Variants in KIAA0319L observed in about 807,000 individuals in gnomAD.
KIAA0319L encodes KIAA0319 like, also known as dyslexia-associated protein KIAA0319-like protein.
KIAA0319L carries 55 observed loss-of-function variants against 120.1 expected under a neutral mutation model. That is an observed-to-expected ratio of 0.46 (90% CI 0.37 to 0.57). The LOEUF (loss-of-function observed/expected upper bound fraction) is 0.57. Among genes scored for constraint, KIAA0319L ranks in the 20% least tolerant of loss-of-function variants. The pLI, the probability that KIAA0319L is intolerant of heterozygous loss-of-function variation, is 0.00. For synonymous variants in KIAA0319L, 398 were observed against 471.9 expected (o/e 0.84, Z 2.03); for missense variants, 1,049 against 1,255.3 (o/e 0.84, Z 2.48).
At chr1:35,511,834 G>T (rs991416566) in intron 2 of KIAA0319L, among the ~76,000 whole-genome samples, 3 of 152,140 alleles carry the variant, frequency 2.0e-5, no homozygotes, top group Non-Finnish European at 4.4e-5. Context: ...AAATGGCATA[G>T]AATTTTATAT....
chr1:35,551,862 C>A lies in KIAA0319L; in HGVS notation c.142+2488G>T, dbSNP rs528141434. On this transcript the variant is annotated intron_variant, in intron 2 of 20. Coordinates refer to ENST00000325722, the MANE Select transcript of KIAA0319L (RefSeq NM_024874.5). ...ACACCACCACCTTTGCACTTCTATACTTAATTAGGGTGCTGTTTTTAAGCA... is the reference window on the plus strand; with the variant it reads ...ACACCACCACCTTTGCACTTCTATAATTAATTAGGGTGCTGTTTTTAAGCA... Among the ~76,000 whole-genome samples, 13 of 152,244 alleles carry A rather than the reference C, an allele frequency of 8.5e-5. No individual in the cohort carries two copies. The East Asian group carries it at 2.3e-3, about 27-fold the overall frequency.
intron 3 of KIAA0319L, among the ~76,000 whole-genome samples, chr1:35,498,881 ACT>A (rs1460214824): frequency 8.5e-5 from 13 of 152,126 alleles, no homozygotes; most frequent in Admixed American, 8.5e-4. Flanking sequence ...AAAACCCACC[ACT>A]GTCATTAATA....
At position 35,437,666 on chromosome 1, in the gene KIAA0319L, G is replaced by A. The variant is rs1045551861; in HGVS notation, c.2963-2585C>T. Among the ~76,000 whole-genome samples, 3 of 152,024 alleles carry A rather than the reference G, an allele frequency of 2.0e-5. No homozygotes were observed. The highest frequency in any genetic ancestry group is 2.9e-5 in the Non-Finnish European group (2 of 68,022). ...GGCCTTTGCAGCAGCAAACACCGAC[G>A]GCTGTCCCCTAATGAATCCCCTCCT... On this transcript the variant is annotated intron_variant, in intron 20 of 20. Transcript: ENST00000325722. The surrounding 1 kb of genome is among the most constrained non-coding windows in gnomAD (Gnocchi z 4.1).
At position 35,469,292 on chromosome 1, in the gene KIAA0319L, T is replaced by C. The variant is rs74522320; in HGVS notation, c.1113+1571A>G. 6.0e-3 allele frequency among the ~76,000 whole-genome samples: 918 copies of C among 152,308 alleles called. 11 individuals are homozygous for C. Among genetic ancestry groups the C allele is most frequent in the African/African-American group, 0.021 (875 of 41,564 alleles). ...AGTTCTTTCACTCAGGCTACTACCATTTTACACCTAAATTTTTCAACAGAT... is the reference window on the plus strand; with the variant it reads ...AGTTCTTTCACTCAGGCTACTACCACTTTACACCTAAATTTTTCAACAGAT... On this transcript the variant is annotated intron_variant, in intron 6 of 20. Coordinates refer to ENST00000325722, the MANE Select transcript of KIAA0319L (RefSeq NM_024874.5).
chr1:35,548,400 T>TTTAATTTAATAC (rs1417525991), intron 2 of KIAA0319L, among the ~76,000 whole-genome samples: 1 of 152,200 alleles, frequency 6.6e-6, no homozygotes, highest in Admixed American at 6.5e-5. Context: ...ACCAGTATTA[T>TTTAATTTAATAC]AGTATATTTA....
In KIAA0319L at chr1:35,467,017, G is replaced by A. The variant is rs573278462; in HGVS notation, c.1114-322C>T. Among the ~76,000 whole-genome samples, 282 of 152,130 alleles carry A rather than the reference G, an allele frequency of 1.9e-3. 4 individuals are homozygous for A. The highest frequency in any genetic ancestry group is 1.8e-3 in the Non-Finnish European group (119 of 67,988). ...TGAGGTGAAAGGAGGGCTTGAGCCC[G>A]GGAGGTGGAGGTTACAGTGAGCCGA... On this transcript the variant is annotated intron_variant, in intron 6 of 20. Transcript: ENST00000325722.
intron 10 of KIAA0319L, among the ~76,000 whole-genome samples, chr1:35,455,467 A>T (rs1381067440): frequency 1.3e-5 from 2 of 152,150 alleles, no homozygotes; most frequent in African/African-American, 4.8e-5. Flanking sequence ...TATAGAGCTC[A>T]CTAAGATTTG....
intron 9 of KIAA0319L, among the ~76,000 whole-genome samples, chr1:35,460,020 A>G (rs1642776313): frequency 6.6e-6 from 1 of 152,216 alleles, no homozygotes; most frequent in African/African-American, 2.4e-5. Context: ...TCATTTAACA[A>G]CAGAAATCCT....
At chr1:35,482,215 C>A (rs1221858752) in intron 3 of KIAA0319L, among the ~76,000 whole-genome samples, 1 of 151,938 alleles carries the variant, frequency 6.6e-6, no homozygotes, top group African/African-American at 2.4e-5. Flanking sequence ...GGCAGTCTGG[C>A]TTATTTCACT....
rs1641921233 is a variant in KIAA0319L at position 35,449,851 on chromosome 1, C to G, written c.2353+16G>C. On this transcript the variant is annotated intron_variant, in intron 15 of 20. Coordinates refer to ENST00000325722, the MANE Select transcript of KIAA0319L (RefSeq NM_024874.5). ...ATTCAGCAATTCTACTCAGCCTCATCACTAAATGAACTCACCAGGTTTCAC... is the reference window on the plus strand; with the variant it reads ...ATTCAGCAATTCTACTCAGCCTCATGACTAAATGAACTCACCAGGTTTCAC... 6.2e-7 allele frequency: 1 copy of G among 1,613,482 alleles called. No homozygotes were observed. The highest frequency in any genetic ancestry group is 1.3e-5 in the African/African-American group (1 of 74,904).
chr1:35,512,230 T>C (rs1483811328), intron 2 of KIAA0319L, among the ~76,000 whole-genome samples: 1 of 151,086 alleles, frequency 6.6e-6, no homozygotes, highest in African/African-American at 2.4e-5. Context: ...AGCATGCCAC[T>C]GTACTCCAGC....
intron 2 of KIAA0319L, among the ~76,000 whole-genome samples, chr1:35,522,374 G>A (rs758788883): frequency 4.6e-5 from 7 of 151,434 alleles, no homozygotes; most frequent in Non-Finnish European, 1.0e-4. Context: ...CCGCCTCCCA[G>A]GTTCAAGTGA....
chr1:35,483,527 T>G (rs1211157978), intron 3 of KIAA0319L, among the ~76,000 whole-genome samples: 1 of 152,214 alleles, frequency 6.6e-6, no homozygotes. Flanking sequence ...GGCACATCAA[T>G]GGACCATATA....
At chr1:35,448,421 A>G in intron 15 of KIAA0319L, 89 bp from the exon 16 acceptor site, 1 of 1,185,552 alleles carries the variant, frequency 8.4e-7, no homozygotes, top group Non-Finnish European at 1.2e-6. Context: ...ACAGGAGAGA[A>G]AGGAGTGAGA....
chr1:35,472,815 G>A (rs1414593952), intron 5 of KIAA0319L, among the ~76,000 whole-genome samples: 2 of 147,854 alleles, frequency 1.4e-5, no homozygotes, highest in Middle Eastern at 3.3e-3. Flanking sequence ...ATGAGATGGA[G>A]TCTCTCTCTG....
chr1:35,459,527 G>A (rs1479203686), intron 9 of KIAA0319L, among the ~76,000 whole-genome samples: 1 of 151,770 alleles, frequency 6.6e-6, no homozygotes, highest in Admixed American at 6.6e-5. Flanking sequence ...AATCCGGGAG[G>A]CAGAGCTTGC....
At chr1:35,499,672 T>C (rs1015171596) in intron 3 of KIAA0319L, among the ~76,000 whole-genome samples, 9 of 150,732 alleles carry the variant, frequency 6.0e-5, no homozygotes, top group Non-Finnish European at 2.9e-5. Flanking sequence ...ACCAGAACTA[T>C]TAGATTAGAG....
chr1:35,520,195 CG>C (rs1029176274), intron 2 of KIAA0319L, among the ~76,000 whole-genome samples: 25 of 152,052 alleles, frequency 1.6e-4, no homozygotes, highest in African/African-American at 5.8e-4. Flanking sequence ...CTCTGCCACC[CG>C]GGTTCAAGCA....
intron 2 of KIAA0319L, among the ~76,000 whole-genome samples, chr1:35,542,127 G>A (rs1646816933): frequency 6.6e-6 from 1 of 152,168 alleles, no homozygotes. Flanking sequence ...TCATCTGGCG[G>A]TTAGACAAGA....
Sources: gnomAD v4.1 joint callset for allele counts (sites outside exome capture counted in the v4.1 genomes callset) on GRCh38, gnomAD v4.1.1 for gene constraint, Gnocchi (gnomAD v3.1) non-coding constraint, MANE v1.5 for transcripts, NCBI Gene and HGNC (gene_info 2026-07-23, HGNC 2026-07-21) for gene names.